SHANK2: variants seen among roughly 807,000 people sequenced by gnomAD.
The protein encoded by SHANK2 is SH3 and multiple ankyrin repeat domains protein 2.
In SHANK2, 43 loss-of-function variants were observed where a neutral mutation model predicts 133.7. The ratio of observed to expected loss-of-function variants is 0.32; its 90% CI spans 0.25 to 0.41. The LOEUF (loss-of-function observed/expected upper bound fraction) is 0.41. Ranked by LOEUF, SHANK2 falls within the 10% of genes least tolerant of loss-of-function variation. The probability of loss-of-function intolerance (pLI) is 1.00; values close to 1 mark genes in which losing one functional copy is unlikely to be tolerated. For synonymous variants in SHANK2, 1,017 were observed against 952.8 expected, an observed-to-expected ratio of 1.07 and a Z score of -1.24; for missense variants, 1,994 against 2,235.8, an observed-to-expected ratio of 0.89 and a Z score of 2.18.
intron 10 of SHANK2, among the ~76,000 whole-genome samples, chr11:70,922,314 C>T (rs1312975591): frequency 1.5e-4 from 4 of 27,452 alleles, no homozygotes; most frequent in Non-Finnish European, 3.4e-4. Flanking sequence ...TGAATCAAAT[C>T]CTAGAAGGAG....
At chr11:70,754,823 G>A (rs781871406) in intron 14 of SHANK2, among the ~76,000 whole-genome samples, 21 of 152,242 alleles carry the variant, frequency 1.4e-4, no homozygotes, top group Non-Finnish European at 2.1e-4. Flanking sequence ...CAGACAGCAC[G>A]TTTCCAAGAA....
At chr11:70,721,839 G>A (rs1199195610) in intron 14 of SHANK2, among the ~76,000 whole-genome samples, 3 of 152,234 alleles carry the variant, frequency 2.0e-5, no homozygotes, top group African/African-American at 4.8e-5. Flanking sequence ...TTTTGAGCAC[G>A]GCTTGAATAC....
At chr11:70,673,557 G>A (rs572675415) in intron 15 of SHANK2, among the ~76,000 whole-genome samples, 2 of 152,352 alleles carry the variant, frequency 1.3e-5, no homozygotes, top group African/African-American at 4.8e-5. Context: ...AACCAGAAAT[G>A]TCCTCCTCTC....
intron 23 of SHANK2, chr11:70,489,724 C>G (rs1555155241): frequency 6.1e-6 from 2 of 327,398 alleles, no homozygotes; most frequent in South Asian, 3.8e-5. Context: ...GACCTTGTCT[C>G]AAGGTCAAGT....
At chr11:70,545,594 C>T (rs1311244719) in intron 17 of SHANK2, among the ~76,000 whole-genome samples, 1 of 152,244 alleles carries the variant, frequency 6.6e-6, no homozygotes, top group East Asian at 1.9e-4. Context: ...GCACACCCTC[C>T]GTACGGCGCC....
At chr11:70,948,728 C>T (rs145914709) in intron 10 of SHANK2, among the ~76,000 whole-genome samples, 2,516 of 152,252 alleles carry the variant, frequency 0.017, 77 homozygotes, top group Non-Finnish European at 0.018. Context: ...AGAGGGGCCA[C>T]GCTCCCAACC....
chr11:71,207,433 G>A (rs1289369002), intron 2 of SHANK2, among the ~76,000 whole-genome samples: 2 of 152,218 alleles, frequency 1.3e-5, no homozygotes, highest in East Asian at 3.9e-4. Context: ...GTGCGCCTTG[G>A]CTTCCCAAAG....
At chr11:70,881,562 T>TAATAATAA (rs1565380917) in intron 11 of SHANK2, among the ~76,000 whole-genome samples, 12 of 24,028 alleles carry the variant, frequency 5.0e-4, no homozygotes, top group African/African-American at 5.6e-4. Context: ...AATAATAATA[T>TAATAATAA]TAATAATAAT....
chr11:71,206,649 G>T (rs527823611), intron 2 of SHANK2, among the ~76,000 whole-genome samples: 1 of 152,230 alleles, frequency 6.6e-6, no homozygotes, highest in African/African-American at 2.4e-5. Context: ...TAATAAAAAC[G>T]TCAAGGCTGG....
chr11:71,067,222 G>A (rs961169093), intron 9 of SHANK2, among the ~76,000 whole-genome samples: 2 of 152,178 alleles, frequency 1.3e-5, no homozygotes, highest in Admixed American at 6.5e-5. Flanking sequence ...CAGGTTCCCC[G>A]TGGGACACCA....
At position 71,093,782 on chromosome 11, in the gene SHANK2, A is replaced by G. The variant is rs910226635; in HGVS notation, c.744+755T>C. The stretch of plus-strand genomic sequence containing the variant: ...TATTGCAACGCAGGAACAGACTCAC[A>G]CACCAACAGAAGGGGTGCAGCTGAA... On this transcript the variant is annotated intron_variant, in intron 7 of 25. Coordinates refer to ENST00000601538, the MANE Select transcript of SHANK2 (RefSeq NM_012309.5). Among the ~76,000 whole-genome samples, 6 of 152,180 alleles carry G rather than the reference A, an allele frequency of 3.9e-5. No homozygotes were observed. The South Asian group carries it at 1.0e-3, about 26-fold the overall frequency.
chr11:70,594,211 C>CA (rs1440352439), intron 17 of SHANK2, among the ~76,000 whole-genome samples: 3 of 152,180 alleles, frequency 2.0e-5, no homozygotes, highest in African/African-American at 7.2e-5. Context: ...GATTCGGCCA[C>CA]AAAAAGGACC....
Position 70,587,591 on chromosome 11 carries a change from ATGCAGAGGCATATCTTGTT to A in SHANK2, c.2061+72218_2061+72236del, listed in dbSNP as rs1397311282. Among the ~76,000 whole-genome samples the A allele has an allele frequency of 5.9e-5, 9 of 152,236 alleles. No homozygotes were observed. The East Asian group carries it at 1.7e-3, about 29-fold the overall frequency. On this transcript the variant is annotated intron_variant, in intron 17 of 25. Coordinates refer to ENST00000601538, the MANE Select transcript of SHANK2 (RefSeq NM_012309.5). The stretch of plus-strand genomic sequence containing the variant: ...CATTCAGAGAAAAGGTATAAAAAAG[ATGCAGAGGCATATCTTGTT>A]TTATTACCCCTTGCTTTATTGTGCT...
chr11:70,657,178 T>G (rs1444566821), intron 17 of SHANK2, among the ~76,000 whole-genome samples: 1 of 152,198 alleles, frequency 6.6e-6, no homozygotes, highest in Non-Finnish European at 1.5e-5. Flanking sequence ...TGCCAAGGGC[T>G]GCTTGGGGTA....
At chr11:71,077,360 T>A (rs1951235193) in intron 8 of SHANK2, among the ~76,000 whole-genome samples, 1 of 152,214 alleles carries the variant, frequency 6.6e-6, no homozygotes, top group Non-Finnish European at 1.5e-5. Context: ...GTAAGTTCCA[T>A]CAGTCAGATG....
rs1042870528 is a variant in SHANK2 at position 71,083,745 on chromosome 11, C to T, written c.913-8470G>A. ...GGACCACACCCCCTGTGGCCAGGGC[C>T]AGCGTGCTGTGAAGTTGCACGGTGG... On this transcript the variant is annotated intron_variant, in intron 8 of 25. Coordinates refer to ENST00000601538, the MANE Select transcript of SHANK2 (RefSeq NM_012309.5). Among the ~76,000 whole-genome samples the T allele has an allele frequency of 5.8e-4, 88 of 152,310 alleles. 2 individuals carry two copies. The highest frequency in any genetic ancestry group is 1.9e-3 in the African/African-American group (78 of 41,566).
chr11:70,620,080 C>G (rs1554997187), intron 17 of SHANK2, among the ~76,000 whole-genome samples: 1 of 152,150 alleles, frequency 6.6e-6, no homozygotes, highest in African/African-American at 2.4e-5. Context: ...GGACACGGAT[C>G]CCATCATGAG....
intron 8 of SHANK2, among the ~76,000 whole-genome samples, chr11:71,078,628 G>A (rs1027898301): frequency 6.8e-4 from 103 of 152,298 alleles, no homozygotes; most frequent in African/African-American, 1.8e-3. Flanking sequence ...AAAACAGGGC[G>A]GGGCAGAAGC....
intron 2 of SHANK2, among the ~76,000 whole-genome samples, chr11:71,214,990 G>A (rs563487656): frequency 6.6e-6 from 1 of 152,292 alleles, no homozygotes; most frequent in Middle Eastern, 3.4e-3. Context: ...GTTTCCTCCT[G>A]GATCCCACAT....
Sources: gnomAD v4.1 joint callset for allele counts (sites outside exome capture counted in the v4.1 genomes callset) on GRCh38, gnomAD v4.1.1 for gene constraint, MANE v1.5 for transcripts, NCBI Gene and HGNC (gene_info 2026-07-23, HGNC 2026-07-21) for gene names.